The following ARNT2 variants were observed in gnomAD, a reference collection of about 807,000 sequenced individuals.
ARNT2 encodes ARNT protein 2.
Under a neutral mutation model 91.7 loss-of-function variants are expected in ARNT2, and 36 were observed. That is an observed-to-expected ratio of 0.39 (90% CI 0.30 to 0.52). ARNT2 has a LOEUF of 0.52. Among genes scored for constraint, ARNT2 ranks in the 20% least tolerant of loss-of-function variants. The pLI, the probability that ARNT2 is intolerant of heterozygous loss-of-function variation, is 0.72. For missense variants in ARNT2, 775 were observed against 939.3 expected, an observed-to-expected ratio of 0.83 and a Z score of 2.29; for synonymous variants, 365 against 347.1, an observed-to-expected ratio of 1.05 and a Z score of -0.57.
At chr15:80,482,805 T>C (rs967595218) in intron 5 of ARNT2, among the ~76,000 whole-genome samples, 3 of 152,194 alleles carry the variant, frequency 2.0e-5, no homozygotes, top group Non-Finnish European at 4.4e-5. Flanking sequence ...ATGCAGATTC[T>C]TCCCCACTGA....
At chr15:80,408,087 C>T (rs1018959072) in intron 1 of ARNT2, among the ~76,000 whole-genome samples, 4 of 152,080 alleles carry the variant, frequency 2.6e-5, no homozygotes, top group African/African-American at 7.2e-5. Flanking sequence ...GATTTTTTCC[C>T]CACTTCCAGG....
chr15:80,424,269 C>G (rs1351404492), intron 1 of ARNT2, among the ~76,000 whole-genome samples: 2 of 152,182 alleles, frequency 1.3e-5, no homozygotes, highest in Non-Finnish European at 1.5e-5. Context: ...TGGGTTGTCC[C>G]CAGAAGGGAG....
chr15:80,486,810 T>TA (rs1378564594), intron 5 of ARNT2, among the ~76,000 whole-genome samples: 1 of 152,196 alleles, frequency 6.6e-6, no homozygotes, highest in Non-Finnish European at 1.5e-5. Context: ...GGTACAGCCC[T>TA]AGGAATGGTC....
intron 2 of ARNT2, among the ~76,000 whole-genome samples, chr15:80,453,396 C>T (rs968571807): frequency 6.6e-6 from 1 of 152,230 alleles, no homozygotes; most frequent in African/African-American, 2.4e-5. Flanking sequence ...GGCACACAAA[C>T]CATGATTCCA....
At chr15:80,450,696 C>G (rs1267640429) in intron 1 of ARNT2, among the ~76,000 whole-genome samples, 184 bp from the exon 2 acceptor site, 1 of 152,206 alleles carries the variant, frequency 6.6e-6, no homozygotes, top group Non-Finnish European at 1.5e-5. Context: ...CCAGAGATAC[C>G]CTTTTCCAGA....
intron 11 of ARNT2, chr15:80,555,421 G>C: frequency 5.1e-6 from 2 of 394,082 alleles, no homozygotes; most frequent in Non-Finnish European, 9.3e-6. Flanking sequence ...GAAGAGGCAG[G>C]AATTGTTCCA....
In ARNT2 at chr15:80,441,401, G is replaced by A. The variant is rs1169920299; in HGVS notation, c.32-9479G>A. ...AAGGTAGGGCTGTGATATTTGATGT[G>A]CTTTCTGTGAAGAGAATTGTTCTAA... is the stretch of plus-strand genomic sequence containing the variant. On this transcript the variant is annotated intron_variant, in intron 1 of 18. Coordinates refer to ENST00000303329, the MANE Select transcript of ARNT2 (RefSeq NM_014862.4). 3 of 984,364 alleles carry A rather than the reference G, an allele frequency of 3.0e-6. No individual in the cohort carries two copies. In the East Asian group the frequency reaches 3.4e-4, roughly 111 times the overall value. 61.0% of individuals were successfully genotyped at this position (984,364 alleles called of 1,614,324 possible).
intron 1 of ARNT2, among the ~76,000 whole-genome samples, chr15:80,416,037 G>A (rs530142069): frequency 7.8e-4 from 119 of 152,252 alleles, no homozygotes; most frequent in African/African-American, 2.7e-3. Flanking sequence ...GTAAGGTCTG[G>A]CACACACTTG....
At chr15:80,529,510 CT>C (rs374709156) in intron 8 of ARNT2, among the ~76,000 whole-genome samples, 298 of 141,968 alleles carry the variant, frequency 2.1e-3, no homozygotes, top group African/African-American at 4.9e-3. Context: ...TTTTTCTTTT[CT>C]TTTTTTTTTT....
chr15:80,476,906 C>T (rs1896812632), intron 5 of ARNT2, among the ~76,000 whole-genome samples: 1 of 152,160 alleles, frequency 6.6e-6, no homozygotes, highest in African/African-American at 2.4e-5. Flanking sequence ...ATGTTGGGGG[C>T]AGGCCCTGAT....
intron 12 of ARNT2, among the ~76,000 whole-genome samples, chr15:80,572,716 A>G (rs139320660): frequency 7.4e-4 from 112 of 152,360 alleles, no homozygotes; most frequent in African/African-American, 2.6e-3. Flanking sequence ...AAGGAAATCC[A>G]TAACCTTCCT....
chr15:80,466,712 T>C (rs77604236), intron 3 of ARNT2, among the ~76,000 whole-genome samples: 4,310 of 152,354 alleles, frequency 0.028, 191 homozygotes, highest in African/African-American at 0.097. Context: ...TATGTGTATG[T>C]CACTCACTTA....
intron 8 of ARNT2, among the ~76,000 whole-genome samples, chr15:80,516,816 T>C (rs1897440405): frequency 7.3e-6 from 1 of 136,236 alleles, no homozygotes; most frequent in Admixed American, 7.5e-5. Context: ...ACAATTATTA[T>C]ATACAATTAC....
intron 4 of ARNT2, among the ~76,000 whole-genome samples, chr15:80,471,349 G>T (rs1896728468): frequency 6.6e-6 from 1 of 152,170 alleles, no homozygotes; most frequent in African/African-American, 2.4e-5. Flanking sequence ...GACACAAAGA[G>T]GGGAACAACA....
In ARNT2 at chr15:80,456,612, T is replaced by A. The variant is rs140571859; in HGVS notation, c.147-1317T>A. Among the ~76,000 whole-genome samples, 497 of 152,306 alleles carry A rather than the reference T, an allele frequency of 3.3e-3. 3 individuals carry two copies. Among genetic ancestry groups the A allele is most frequent in the African/African-American group, 0.012 (484 of 41,570 alleles). ...AGTTTGCACCTAAACCCCTAGAGAC[T>A]AGGATTTGTCTTGTTGGGAGCTTCT... On this transcript the variant is annotated intron_variant, in intron 2 of 18. Coordinates refer to ENST00000303329, the MANE Select transcript of ARNT2 (RefSeq NM_014862.4).
chr15:80,490,472 C>T (rs896900908), intron 5 of ARNT2, among the ~76,000 whole-genome samples: 2 of 152,192 alleles, frequency 1.3e-5, no homozygotes, highest in East Asian at 1.9e-4. Flanking sequence ...GGTATCTGGG[C>T]GGGACATCCG....
intron 5 of ARNT2, among the ~76,000 whole-genome samples, chr15:80,501,198 A>T (rs1004552159): frequency 6.6e-5 from 10 of 152,180 alleles, no homozygotes; most frequent in African/African-American, 2.4e-4. Flanking sequence ...TCACCCCAGC[A>T]CCCTTGGCCA....
At chr15:80,581,039 C>T (rs1210822544) in intron 16 of ARNT2, 200 bp from the exon 17 acceptor site, 3 of 631,678 alleles carry the variant, frequency 4.7e-6, no homozygotes, top group Non-Finnish European at 8.1e-6. Flanking sequence ...TTCAACCAGA[C>T]GTGCCCCAAA....
intron 2 of ARNT2, among the ~76,000 whole-genome samples, chr15:80,454,485 A>C (rs1221342192): frequency 6.6e-6 from 1 of 152,238 alleles, no homozygotes; most frequent in South Asian, 2.1e-4. Flanking sequence ...ACTTGTAGCC[A>C]TCTCCCTCTA....
Sources: allele counts gnomAD v4.1 joint callset (sites outside exome capture counted in the v4.1 genomes callset), GRCh38; gene constraint gnomAD v4.1.1; transcripts MANE v1.5; gene names NCBI Gene and HGNC (gene_info 2026-07-23, HGNC 2026-07-21).